Variants in FERMT1 observed in about 807,000 individuals in gnomAD.
FERMT1 encodes FERM domain containing kindlin 1, also known as fermitin family homolog 1.
Under a neutral mutation model 85.3 loss-of-function variants are expected in FERMT1, and 60 were observed. That is an observed-to-expected ratio of 0.70 (90% confidence interval 0.57 to 0.87). The LOEUF is 0.87. Ranked by LOEUF, FERMT1 falls within the 40% of genes least tolerant of loss-of-function variation. The probability of loss-of-function intolerance (pLI) is 0.00; values close to 1 mark genes in which losing one functional copy is unlikely to be tolerated. For missense variants in FERMT1, 701 were observed against 818.9 expected (o/e 0.86, Z 1.76); for synonymous variants, 275 against 301.1 (o/e 0.91, Z 0.90).
chr20:6,075,115 G>A lies in FERMT1; in HGVS notation c.*2058C>T, dbSNP rs12945. Reference sequence around the variant, plus strand: ...TGTTGCTGTGTGTCATGGAAGAAACGCTCCCCTGAAAACTGTAACCAAACA... The same window carrying A: ...TGTTGCTGTGTGTCATGGAAGAAACACTCCCCTGAAAACTGTAACCAAACA... On this transcript the variant is annotated 3_prime_UTR_variant, in exon 15 of 15. Transcript: ENST00000217289. 0.23 allele frequency: 34,140 copies of A among 148,910 alleles called. 4,312 individuals are homozygous for A. Among genetic ancestry groups the A allele is most frequent in the East Asian group, 0.55 (2,804 of 5,136 alleles). 9.2% of individuals were successfully genotyped at this position (148,910 alleles called of 1,614,324 possible).
intron 13 of FERMT1, among the ~76,000 whole-genome samples, chr20:6,083,235 C>A (rs962755450): frequency 1.3e-5 from 2 of 152,078 alleles, no homozygotes; most frequent in Middle Eastern, 3.2e-3. Flanking sequence ...TACAGTGGGG[C>A]AGAGCCATAG....
intron 10 of FERMT1, 22 bp from the exon 11 acceptor site, chr20:6,087,905 CA>C: frequency 7.4e-7 from 1 of 1,351,894 alleles, no homozygotes; most frequent in Non-Finnish European, 1.1e-6. Context: ...AGATCAGAGA[CA>C]AAACTGAGTT....
chr20:6,122,356 C>T lies in FERMT1; in HGVS notation c.-19+418G>A, dbSNP rs376685017. On this transcript the variant is annotated intron_variant, in intron 1 of 14. Coordinates refer to ENST00000217289, the MANE Select transcript of FERMT1 (RefSeq NM_017671.5). Reference sequence around the variant, plus strand: ...AGTTACTGGCAGAGTGCTGAAAAGCCCTTCGCAGACAGTCAAAGAAACGAA... The same window carrying T: ...AGTTACTGGCAGAGTGCTGAAAAGCTCTTCGCAGACAGTCAAAGAAACGAA... Among the ~76,000 whole-genome samples the T allele has an allele frequency of 3.3e-5, 5 of 152,230 alleles. No individual in the cohort carries two copies. In the South Asian group the frequency reaches 8.3e-4, roughly 25 times the overall value.
rs150601428 is a variant in FERMT1, at chr20:6,084,265, C to T, written c.1594-101G>A. 247 of 1,278,984 alleles carry T rather than the reference C, an allele frequency of 1.9e-4. No individual in the cohort carries two copies. In the African/African-American group the frequency reaches 3.2e-3, roughly 16 times the overall value. 79.2% of individuals were successfully genotyped at this position (1,278,984 alleles called of 1,614,324 possible). A position where few individuals can be genotyped will look rare whatever the true frequency, so the allele number is the denominator to read the frequency against. On this transcript the variant is annotated intron_variant, in intron 12 of 14. Transcript: ENST00000217289. ...CCATAAGAACAATACACTCAAGGTC[C>T]GTCTGCAGCTCTACAAAGACAATCC...
At chr20:6,112,426 C>T (rs960392678) in intron 4 of FERMT1, 51 bp downstream of exon 4, 4 of 1,583,256 alleles carry the variant, frequency 2.5e-6, no homozygotes, top group Non-Finnish European at 3.5e-6. Context: ...ATATTTCTCT[C>T]TTGAGTTTTA....
chr20:6,077,219 G>C lies in FERMT1; in HGVS notation c.1988C>G (p.Thr663Arg), dbSNP rs1178311347. ...LSTRSKDQNE[T>R]LDEDLFHKLT... The stretch of plus-strand genomic sequence containing the variant: ...TTTGTGGAACAAGTCCTCATCGAGT[G>C]TTTCATTCTGGTCCTTGGAGCGGGT... The change falls in exon 15 of 15, where the codon ACA becomes AGA. Residue 663 changes from threonine to arginine, a missense_variant. Physicochemically the swap from Thr to Arg is moderately conservative, Grantham distance 71. Transcript: ENST00000217289. 2.5e-6 allele frequency: 4 copies of C among 1,614,056 alleles called. No individual in the cohort carries two copies. The Admixed American group carries it at 6.7e-5, about 27-fold the overall frequency.
At chr20:6,089,620 G>A (rs559465703) in intron 9 of FERMT1, among the ~76,000 whole-genome samples, 2 of 152,350 alleles carry the variant, frequency 1.3e-5, no homozygotes, top group East Asian at 1.9e-4. Context: ...ATATAAACAT[G>A]AGCAGCATTT....
rs149523994 is a variant in FERMT1 at position 6,084,098 on chromosome 20, G to C, written c.1660C>G (p.Arg554Gly). Reference protein sequence around the residue: ...AQMPLVEAKLRFIQAWQSLPE... With the variant: ...AQMPLVEAKLGFIQAWQSLPE... ...AGTGACTGCCACGCCTGGATGAACC[G>C]CAGCTTGGCTTCGACCAGGGGCATC... Residue 554 changes from arginine (R) to glycine (G), a missense_variant, in exon 13 of 15, where the codon CGG becomes GGG. Transcript: ENST00000217289. The C allele has an allele frequency of 6.2e-7, 1 of 1,613,810 alleles. No homozygotes were observed. The highest frequency in any genetic ancestry group is 8.5e-7 in the Non-Finnish European group (1 of 1,179,952).
intron 3 of FERMT1, among the ~76,000 whole-genome samples, chr20:6,113,593 C>T (rs1983019363): frequency 6.6e-6 from 1 of 152,144 alleles, no homozygotes; most frequent in African/African-American, 2.4e-5. Context: ...ATGCATCTTT[C>T]TGCCAGAGGC....
chr20:6,109,928 G>GAC (rs886547288), intron 5 of FERMT1, among the ~76,000 whole-genome samples: 3 of 150,940 alleles, frequency 2.0e-5, no homozygotes, highest in African/African-American at 7.3e-5. Flanking sequence ...AGAGAAGAGT[G>GAC]ACATTCTACA....
intron 2 of FERMT1, among the ~76,000 whole-genome samples, chr20:6,118,685 C>T (rs1033907330): frequency 9.2e-5 from 14 of 152,288 alleles, no homozygotes; most frequent in South Asian, 6.2e-4. Flanking sequence ...ACATCTGACA[C>T]GCTACAAGGT....
At chr20:6,090,192 C>T (rs910895711) in intron 9 of FERMT1, among the ~76,000 whole-genome samples, 3 of 151,954 alleles carry the variant, frequency 2.0e-5, no homozygotes, top group Non-Finnish European at 4.4e-5. Context: ...CTCCTGCCTC[C>T]GCCTCCTGAG....
In FERMT1 at chr20:6,077,241, G is replaced by T. The variant is rs372047057; in HGVS notation, c.1966C>A (p.Arg656Ser). Reference protein sequence around the residue: ...YIGGYIFLSTRSKDQNETLDE... With the variant: ...YIGGYIFLSTSSKDQNETLDE... ...AGTGTTTCATTCTGGTCCTTGGAGC[G>T]GGTGGACAAGAAAATGTAGCCGCCA... is the stretch of plus-strand genomic sequence containing the variant. Residue 656 changes from arginine to serine, a missense_variant, in exon 15 of 15, where the codon CGC becomes AGC. Transcript: ENST00000217289. The T allele has an allele frequency of 6.2e-7, 1 of 1,614,042 alleles. No individual in the cohort carries two copies. The highest frequency in any genetic ancestry group is 1.3e-5 in the African/African-American group (1 of 74,918).
Position 6,079,507 on chromosome 20 carries a change from T to G in FERMT1, c.1789A>C (p.Thr597Pro). The change falls in exon 14 of 15, where the codon ACC (threonine) becomes CCC (proline). Residue 597 changes from threonine to proline, a missense_variant. Transcript: ENST00000217289. ...YNRLIKIDAA[T>P]GIPVTTWRFT... ...CTCCATGTTGTCACTGGAATCCCGG[T>G]GGCTGCATCAATTTTAATCAACCTG... is the stretch of plus-strand genomic sequence containing the variant. The G allele has an allele frequency of 6.2e-7, 1 of 1,613,976 alleles. No individual in the cohort carries two copies. Among genetic ancestry groups the G allele is most frequent in the Non-Finnish European group, 8.5e-7 (1 of 1,179,834 alleles).
intron 6 of FERMT1, among the ~76,000 whole-genome samples, chr20:6,098,141 C>T (rs1424956872): frequency 1.3e-5 from 2 of 152,102 alleles, no homozygotes; most frequent in African/African-American, 4.8e-5. Context: ...TCCAGGGCTG[C>T]TGCTGCTTCT....
Position 6,076,843 on chromosome 20 carries a change from A to G in FERMT1, c.*330T>C. 3 of 423,928 alleles carry G rather than the reference A, an allele frequency of 7.1e-6. No individual in the cohort carries two copies. The highest frequency in any genetic ancestry group is 4.6e-5 in the South Asian group (2 of 43,026). The allele number at this position is 423,928 out of a possible 1,614,324, so 26.3% of individuals were successfully genotyped here. A position where few individuals can be genotyped will look rare whatever the true frequency, so the allele number is the denominator to read the frequency against. ...AGTAATGAGACAGATCAGCACGAGG[A>G]TAACTTGTAGCCATACACCTGGCAG... On this transcript the variant is annotated 3_prime_UTR_variant, in exon 15 of 15. Transcript: ENST00000217289.
At position 6,087,883 on chromosome 20, in the gene FERMT1, C is replaced by T; in HGVS notation, c.1265G>A (p.Gly422Asp). The change falls in exon 11 of 15, where the codon GGC becomes GAC. Residue 422 changes from glycine (G) to aspartate (D), a missense_variant and splice_region_variant. Gly to Asp is a moderately conservative substitution (Grantham distance 94). Coordinates refer to ENST00000217289, the MANE Select transcript of FERMT1 (RefSeq NM_017671.5). ...ATTTACATCGGGCACAACTTCGCAG[C>T]CTGAAGGACAAAGATCAGAGACAAA... ...GEPLEKLNLR[G>D]CEVVPDVNVA... 1 of 1,578,164 alleles carries T rather than the reference C, an allele frequency of 6.3e-7. No homozygotes were observed. The highest frequency in any genetic ancestry group is 1.7e-5 in the Admixed American group (1 of 59,980).
At position 6,077,262 on chromosome 20, in the gene FERMT1, C is replaced by T. The variant is rs558908354; in HGVS notation, c.1945G>A (p.Gly649Ser). 4.3e-6 allele frequency: 7 copies of T among 1,614,112 alleles called. No individual in the cohort carries two copies. Among genetic ancestry groups the T allele is most frequent in the South Asian group, 3.3e-5 (3 of 91,074 alleles). ...DCKIVHEYIG[G>S]YIFLSTRSKD... ...GAGCGGGTGGACAAGAAAATGTAGC[C>T]GCCAATGTACTCGTGCACAATCTTG... The change falls in exon 15 of 15, where the codon GGC (glycine) becomes AGC (serine). Residue 649 changes from glycine (G) to serine (S), a missense_variant. Coordinates refer to ENST00000217289, the MANE Select transcript of FERMT1 (RefSeq NM_017671.5).
intron 13 of FERMT1, 68 bp from the exon 14 acceptor site, chr20:6,079,645 T>C: frequency 7.0e-7 from 1 of 1,424,320 alleles, no homozygotes; most frequent in South Asian, 1.2e-5. Flanking sequence ...CACTCACATA[T>C]AACTTCTTAA....
Sources: gnomAD v4.1 joint callset for allele counts (sites outside exome capture counted in the v4.1 genomes callset) on GRCh38, gnomAD v4.1.1 for gene constraint, MANE v1.5 for transcripts, NCBI Gene and HGNC (gene_info 2026-07-23, HGNC 2026-07-21) for gene names.